Variants in EYS observed in about 807,000 individuals in gnomAD.
The protein encoded by EYS is protein eyes shut homolog.
Under a neutral mutation model 282.1 loss-of-function variants are expected in EYS, and 250 were observed. That is an observed-to-expected ratio of 0.89 (90% confidence interval 0.80 to 0.98). The LOEUF (loss-of-function observed/expected upper bound fraction) is 0.98, where lower values mean the gene tolerates loss of function less well. EYS is among the 50% of genes least tolerant of loss of function. The pLI is 0.00. For missense variants in EYS, 4,016 were observed against 3,709.0 expected (o/e 1.08, Z -2.15); for synonymous variants, 1,355 against 1,282.9 (o/e 1.06, Z -1.20).
At chr6:65,538,531 T>C (rs1411850) in intron 2 of EYS, among the ~76,000 whole-genome samples, 31,846 of 152,048 alleles carry the variant, frequency 0.21, 3,728 homozygotes, top group East Asian at 0.3. Flanking sequence ...TACTTCCAGG[T>C]TCACCTTCCT....
Position 64,964,101 on chromosome 6 carries a change from C to T in EYS, c.2260-18187G>A, listed in dbSNP as rs1170945017. Among the ~76,000 whole-genome samples, 7 of 151,986 alleles carry T rather than the reference C, an allele frequency of 4.6e-5. No individual in the cohort carries two copies. In the East Asian group the frequency reaches 1.2e-3, roughly 25 times the overall value. On this transcript the variant is annotated intron_variant, in intron 14 of 42. Transcript: ENST00000503581. The stretch of plus-strand genomic sequence containing the variant: ...TTACCTTTTATGATTATCACTATTA[C>T]ATATTTTTAATAAACACACACTTCT...
chr6:64,966,697 A>G (rs9354194), intron 14 of EYS, among the ~76,000 whole-genome samples: 1 of 152,160 alleles, frequency 6.6e-6, no homozygotes, highest in Non-Finnish European at 1.5e-5. Context: ...CAATCCTCAC[A>G]TAGCCTTTTT....
intron 14 of EYS, among the ~76,000 whole-genome samples, chr6:64,984,800 C>A (rs1770798772): frequency 6.6e-6 from 1 of 151,402 alleles, no homozygotes; most frequent in Admixed American, 6.6e-5. Context: ...TTATTCTTAT[C>A]CATCCCTCCA....
At chr6:64,710,914 GAAATGAT>G (rs1170457769) in intron 22 of EYS, among the ~76,000 whole-genome samples, 1 of 152,190 alleles carries the variant, frequency 6.6e-6, no homozygotes, top group African/African-American at 2.4e-5. Context: ...TTCACTTTAT[GAAATGAT>G]ATATGATATA....
In EYS at chr6:65,646,553, C is replaced by G. The variant is rs139679421; in HGVS notation, c.-447-6661G>C. ...GTAATAAAAACCATCTATGACATACCCACAGCCAACATTATACTGCATGGG... is the reference window on the plus strand; with the variant it reads ...GTAATAAAAACCATCTATGACATACGCACAGCCAACATTATACTGCATGGG... On this transcript the variant is annotated intron_variant, in intron 1 of 42. Coordinates refer to ENST00000503581, the MANE Select transcript of EYS (RefSeq NM_001142800.2). Among the ~76,000 whole-genome samples the G allele has an allele frequency of 2.7e-3, 418 of 152,150 alleles. 2 individuals carry two copies. Among genetic ancestry groups the G allele is most frequent in the African/African-American group, 9.6e-3 (400 of 41,504 alleles).
At chr6:64,455,446 T>TATTA (rs35103505) in intron 26 of EYS, among the ~76,000 whole-genome samples, 4 of 151,680 alleles carry the variant, frequency 2.6e-5, no homozygotes, top group African/African-American at 4.8e-5. Context: ...TTATTATTAT[T>TATTA]TTATTTTATT....
intron 12 of EYS, among the ~76,000 whole-genome samples, chr6:65,091,059 ATAAG>A (rs1316521200): frequency 1.3e-5 from 2 of 152,024 alleles, no homozygotes; most frequent in Non-Finnish European, 2.9e-5. Flanking sequence ...TTTTTAGAGT[ATAAG>A]AAATAAACAC....
In EYS at chr6:64,884,937, G is replaced by T. The variant is rs546449143; in HGVS notation, c.2992+1760C>A. On this transcript the variant is annotated intron_variant, in intron 19 of 42. Coordinates refer to ENST00000503581, the MANE Select transcript of EYS (RefSeq NM_001142800.2). ...CAGGTTTTGATTGTTATTCTAAAAA[G>T]GTTCTCCTTATAGAAAGACTCAATA... 9.2e-5 allele frequency among the ~76,000 whole-genome samples: 14 copies of T among 151,688 alleles called. No individual in the cohort carries two copies. In the South Asian group the frequency reaches 1.0e-3, roughly 11 times the overall value.
chr6:63,898,227 G>C (rs987720096), intron 35 of EYS, among the ~76,000 whole-genome samples: 1 of 152,172 alleles, frequency 6.6e-6, no homozygotes, highest in Non-Finnish European at 1.5e-5. Context: ...GATGGCTCAT[G>C]CCTGTAATCC....
At position 65,673,189 on chromosome 6, in the gene EYS, T is replaced by C. The variant is rs542851637; in HGVS notation, c.-447-33297A>G. On this transcript the variant is annotated intron_variant, in intron 1 of 42. Coordinates refer to ENST00000503581, the MANE Select transcript of EYS (RefSeq NM_001142800.2). ...TATTAATAAGAAAAATAAAACAAAA[T>C]AGTGTTGAAGTGTTGGAGTGGCGAA... 2.6e-5 allele frequency among the ~76,000 whole-genome samples: 4 copies of C among 151,932 alleles called. No homozygotes were observed. In the South Asian group the frequency reaches 6.3e-4, roughly 24 times the overall value.
At chr6:65,463,238 C>T (rs1764882533) in intron 5 of EYS, among the ~76,000 whole-genome samples, 1 of 152,004 alleles carries the variant, frequency 6.6e-6, no homozygotes, top group Admixed American at 6.6e-5. Flanking sequence ...TAAATTGCAC[C>T]CCTGACACAC....
chr6:65,592,730 A>G (rs937040275), intron 2 of EYS, among the ~76,000 whole-genome samples: 1 of 152,042 alleles, frequency 6.6e-6, no homozygotes, highest in Admixed American at 6.6e-5. Context: ...ACAGTTTAAA[A>G]TTAAACTACA....
intron 35 of EYS, among the ~76,000 whole-genome samples, chr6:63,901,431 G>A (rs894170708): frequency 1.3e-5 from 2 of 152,168 alleles, no homozygotes; most frequent in African/African-American, 4.8e-5. Flanking sequence ...ACCGAGGAGA[G>A]CAAATAAAGG....
Position 64,271,577 on chromosome 6 carries a change from C to G in EYS, c.6191+35393G>C, listed in dbSNP as rs187907421. Among the ~76,000 whole-genome samples the G allele has an allele frequency of 7.0e-3, 1,068 of 152,026 alleles. 9 individuals carry two copies. The highest frequency in any genetic ancestry group is 7.8e-3 in the Non-Finnish European group (529 of 67,958). On this transcript the variant is annotated intron_variant, in intron 30 of 42. Transcript: ENST00000503581. ...TGTTCTTTGGAAAATTTAAATGTTTCCTTTTCTTTTTGTGAAGTCAGAGAA... is the reference window on the plus strand; with the variant it reads ...TGTTCTTTGGAAAATTTAAATGTTTGCTTTTCTTTTTGTGAAGTCAGAGAA...
intron 12 of EYS, among the ~76,000 whole-genome samples, chr6:65,221,688 G>A (rs1766470016): frequency 1.3e-5 from 2 of 152,174 alleles, no homozygotes; most frequent in African/African-American, 2.4e-5. Flanking sequence ...GCCTAGTGGA[G>A]ATGTGAGAAA....
chr6:65,490,184 TCC>T (rs1309568893), intron 5 of EYS: 11 of 154,664 alleles, frequency 7.1e-5, no homozygotes, highest in African/African-American at 2.4e-4. Context: ...AATAATATCT[TCC>T]TTTAGCAGAC....
At chr6:65,193,755 G>T (rs1765698569) in intron 12 of EYS, among the ~76,000 whole-genome samples, 1 of 151,482 alleles carries the variant, frequency 6.6e-6, no homozygotes, top group South Asian at 2.1e-4. Context: ...ATACAAAAGA[G>T]ATAATAACAG....
chr6:64,268,784 C>T (rs1767847154), intron 30 of EYS, among the ~76,000 whole-genome samples: 1 of 151,950 alleles, frequency 6.6e-6, no homozygotes. Context: ...TGGGAGGGGG[C>T]AGTGTTATAG....
intron 29 of EYS, among the ~76,000 whole-genome samples, chr6:64,330,402 A>G (rs768927663): frequency 1.1e-4 from 17 of 152,112 alleles, no homozygotes; most frequent in Non-Finnish European, 5.9e-5. Context: ...ATTGTATGAG[A>G]CTACCAAAGG....
Sources: gnomAD v4.1 joint callset for allele counts (sites outside exome capture counted in the v4.1 genomes callset) on GRCh38, gnomAD v4.1.1 for gene constraint, MANE v1.5 for transcripts, NCBI Gene and HGNC (gene_info 2026-07-23, HGNC 2026-07-21) for gene names.